Variants in GPHN observed in about 807,000 individuals in gnomAD.
GPHN encodes the protein gephyrin.
Under a neutral mutation model 95.5 loss-of-function variants are expected in GPHN, and 17 were observed. The ratio of observed to expected loss-of-function variants is 0.18; its 90% CI spans 0.12 to 0.27. The LOEUF is 0.27. Among genes scored for constraint, GPHN ranks in the 10% least tolerant of loss-of-function variants. GPHN has a pLI of 1.00. For synonymous variants in GPHN, 320 were observed against 322.5 expected, an observed-to-expected ratio of 0.99 and a Z score of 0.08; for missense variants, 660 against 978.1, an observed-to-expected ratio of 0.67 and a Z score of 4.34.
At chr14:67,504,301 A>T in the GPHN span, among the ~76,000 whole-genome samples, 1 of 152,250 alleles carries the variant, frequency 6.6e-6, no homozygotes, top group Non-Finnish European at 1.5e-5. Context: ...GGCGTGAGCC[A>T]CCGTGCCCAG....
the GPHN span, among the ~76,000 whole-genome samples, chr14:67,286,855 CA>C: frequency 0.031 from 2,069 of 67,212 alleles, 24 homozygotes; most frequent in East Asian, 0.077. Context: ...GACCTGGTCT[CA>C]AAAAAAAAAA....
intron 2 of GPHN, among the ~76,000 whole-genome samples, chr14:66,715,545 G>A (rs2153424576): frequency 6.6e-6 from 1 of 151,976 alleles, no homozygotes; most frequent in Middle Eastern, 3.4e-3. Flanking sequence ...CTCTTTGTTT[G>A]TCTAGTTCCT....
At chr14:67,284,537 G>A in the GPHN span, among the ~76,000 whole-genome samples, 1 of 106,112 alleles carries the variant, frequency 9.4e-6, no homozygotes, top group Non-Finnish European at 1.8e-5. Context: ...GGAGATCGAG[G>A]CTGCAGTGCT....
chr14:66,613,848 C>T (rs1427452530), intron 1 of GPHN, among the ~76,000 whole-genome samples: 5 of 152,018 alleles, frequency 3.3e-5, no homozygotes, highest in Non-Finnish European at 5.9e-5. Context: ...ATTGTAGTTG[C>T]ACCATTTTAA....
the GPHN span, among the ~76,000 whole-genome samples, chr14:67,688,089 A>G: frequency 6.6e-6 from 1 of 151,962 alleles, no homozygotes; most frequent in South Asian, 2.1e-4. Flanking sequence ...TCCACATTCT[A>G]TCAGTACCTC....
chr14:67,323,068 T>C, the GPHN span, among the ~76,000 whole-genome samples: 1 of 152,170 alleles, frequency 6.6e-6, no homozygotes, highest in African/African-American at 2.4e-5. Flanking sequence ...GTTATTGTAA[T>C]CTGTATGTGA....
chr14:67,559,479 C>T, the GPHN span: 7 of 628,254 alleles, frequency 1.1e-5, no homozygotes, highest in Admixed American at 8.3e-5. Flanking sequence ...TTTCAACAAA[C>T]GATTTCTGCT....
At chr14:66,983,195 T>C (rs1261117466) in intron 9 of GPHN, among the ~76,000 whole-genome samples, 1 of 152,132 alleles carries the variant, frequency 6.6e-6, no homozygotes, top group Non-Finnish European at 1.5e-5. Context: ...GAGGTTGCGG[T>C]GAGCTGAGAT....
At chr14:66,639,032 A>G (rs956036684) in intron 1 of GPHN, among the ~76,000 whole-genome samples, 3 of 152,000 alleles carry the variant, frequency 2.0e-5, no homozygotes, top group African/African-American at 4.8e-5. Flanking sequence ...CATTTTGCTA[A>G]AAGGATAGGT....
chr14:66,580,205 T>A (rs1182401420), intron 1 of GPHN, among the ~76,000 whole-genome samples: 1 of 151,824 alleles, frequency 6.6e-6, no homozygotes, highest in Non-Finnish European at 1.5e-5. Flanking sequence ...TCAATTTGTA[T>A]AGGATGCAGC....
At chr14:67,581,862 C>T in the GPHN span, 5 of 552,874 alleles carry the variant, frequency 9.0e-6, no homozygotes, top group Middle Eastern at 4.9e-4. Context: ...GAACCATGCC[C>T]TCCTGTTGGT....
At chr14:67,552,941 T>C in the GPHN span, among the ~76,000 whole-genome samples, 3 of 152,134 alleles carry the variant, frequency 2.0e-5, no homozygotes, top group Non-Finnish European at 4.4e-5. Context: ...ATGGGATAGA[T>C]AATAAAATCC....
chr14:67,685,217 G>A, the GPHN span: 1 of 1,604,788 alleles, frequency 6.2e-7, no homozygotes, highest in Non-Finnish European at 8.5e-7. Context: ...GGTTGGGGGT[G>A]GCATGAAGAG....
intron 1 of GPHN, among the ~76,000 whole-genome samples, chr14:66,665,870 G>A (rs553500570): frequency 1.3e-5 from 2 of 152,314 alleles, no homozygotes; most frequent in South Asian, 4.2e-4. Flanking sequence ...ATCAGTGATA[G>A]ACTGGATTGA....
At chr14:67,457,215 C>T in the GPHN span, among the ~76,000 whole-genome samples, 7 of 152,122 alleles carry the variant, frequency 4.6e-5, no homozygotes, top group African/African-American at 1.4e-4. Context: ...AATCTATACG[C>T]CAAACCCTCA....
chr14:67,437,598 A>G, the GPHN span, among the ~76,000 whole-genome samples: 1 of 152,170 alleles, frequency 6.6e-6, no homozygotes, highest in South Asian at 2.1e-4. Flanking sequence ...AGGAGAGCAG[A>G]CAGGAGCCTC....
the GPHN span, among the ~76,000 whole-genome samples, chr14:67,711,762 G>T: frequency 6.6e-6 from 1 of 152,134 alleles, no homozygotes; most frequent in African/African-American, 2.4e-5. Context: ...AAACAACTCA[G>T]GTGAAAAGTC....
chr14:66,958,647 TG>T (rs890731526), intron 8 of GPHN, among the ~76,000 whole-genome samples: 1 of 152,160 alleles, frequency 6.6e-6, no homozygotes, highest in African/African-American at 2.4e-5. Flanking sequence ...ATTTGTGTTT[TG>T]AAACATATCT....
At chr14:67,433,458 A>G in the GPHN span, among the ~76,000 whole-genome samples, 2 of 152,198 alleles carry the variant, frequency 1.3e-5, no homozygotes, top group Non-Finnish European at 2.9e-5. Context: ...AGTTGGAGGT[A>G]TAGAGGAAAA....
Sources: allele counts gnomAD v4.1 joint callset (sites outside exome capture counted in the v4.1 genomes callset), GRCh38; gene constraint gnomAD v4.1.1; transcripts MANE v1.5; gene names NCBI Gene and HGNC (gene_info 2026-07-23, HGNC 2026-07-21).